PLEC: variants seen among roughly 807,000 people sequenced by gnomAD.
PLEC encodes the protein plectin.
In PLEC, 216 loss-of-function variants were observed where a neutral mutation model predicts 392.8. That is an observed-to-expected ratio of 0.55 (90% confidence interval 0.49 to 0.62). The LOEUF is 0.62. PLEC is among the 20% of genes least tolerant of loss of function. The pLI, the probability that PLEC is intolerant of heterozygous loss-of-function variation, is 0.00. For missense variants in PLEC, 6,863 were observed against 6,563.4 expected, an observed-to-expected ratio of 1.05 and a Z score of -1.58; for synonymous variants, 3,621 against 2,980.6, an observed-to-expected ratio of 1.21 and a Z score of -7.00.
chr8:143,953,744 C>G, upstream of PLEC: 3 of 1,612,204 alleles, frequency 1.9e-6, no homozygotes, highest in Non-Finnish European at 2.5e-6. Context: ...GAGCTGATCT[C>G]GTTCTGGATG....
At chr8:143,939,637 G>A (rs1297554377), upstream of PLEC, 19 of 1,425,480 alleles carry the variant, frequency 1.3e-5, no homozygotes, top group Middle Eastern at 5.1e-4. Flanking sequence ...ACTCCCCGGC[G>A]AGGCCGGCCC....
At position 143,927,513 on chromosome 8, in the gene PLEC, G is replaced by C. The variant is rs1435660121; in HGVS notation, c.3653C>G (p.Pro1218Arg). ...GGCGTCCTGCAGCCAGGCGCCCAAG[G>C]GGTCTGCACTCTCGCGGTAGTAACG... The part of the protein sequence containing the change: ...QLRYYRESAD[P>R]LGAWLQDARR... The change falls in exon 27 of 32, where the codon CCC (proline) becomes CGC (arginine). Residue 1218 changes from proline to arginine, a missense_variant. Coordinates refer to ENST00000345136, the MANE Select transcript of PLEC (RefSeq NM_201384.3). 1.3e-6 allele frequency: 2 copies of C among 1,597,312 alleles called. No homozygotes were observed. Among genetic ancestry groups the C allele is most frequent in the Admixed American group, 3.3e-5 (2 of 59,856 alleles).
Position 143,921,899 on chromosome 8 carries a change from T to A in PLEC, c.7922A>T (p.Glu2641Val). ...DALDGPAAEA[E>V]PEHSFDGLRR... ...CAGGCCATCGAAGCTGTGCTCCGGC[T>A]CTGCCTCTGCCGCGGGGCCATCAAG... The change falls in exon 32 of 32, where the codon GAG (glutamate) becomes GTG (valine). Residue 2641 changes from glutamate (E) to valine (V), a missense_variant. Glu to Val is a moderately radical substitution (Grantham distance 121). Coordinates refer to ENST00000345136, the MANE Select transcript of PLEC (RefSeq NM_201384.3). The A allele has an allele frequency of 6.2e-7, 1 of 1,600,326 alleles. No individual in the cohort carries two copies. Among genetic ancestry groups the A allele is most frequent in the Non-Finnish European group, 8.5e-7 (1 of 1,179,732 alleles).
chr8:143,933,322 C>T lies in PLEC; in HGVS notation c.1293G>A (p.Val431=). 1 of 1,612,520 alleles carries T rather than the reference C, an allele frequency of 6.2e-7. No homozygotes were observed. Among genetic ancestry groups the T allele is most frequent in the Non-Finnish European group, 8.5e-7 (1 of 1,179,954 alleles). The stretch of plus-strand genomic sequence containing the variant: ...GTTCCACCTCCCCCGCCCGCTGTGG[C>T]ACTTTGCCTGCAGCCAGCAGCCGGA... The part of the protein sequence containing the change: ...SDVRLLAAGK[V]PQRAGEVERD... The change falls in exon 13 of 32, where the codon GTG becomes GTA. Residue 431 remains valine, a synonymous_variant. Coordinates refer to ENST00000345136, the MANE Select transcript of PLEC (RefSeq NM_201384.3).
chr8:143,936,651 A>G (rs1272981211), intron 5 of PLEC, among the ~76,000 whole-genome samples: 4 of 152,244 alleles, frequency 2.6e-5, no homozygotes, highest in African/African-American at 7.2e-5. Context: ...CAGGACAAGC[A>G]GCGGGTGAGT....
upstream of PLEC, among the ~76,000 whole-genome samples, chr8:143,942,132 G>C (rs536761172): frequency 3.3e-5 from 5 of 151,826 alleles, no homozygotes; most frequent in East Asian, 2.0e-4. Context: ...GGCTGACGTG[G>C]AACAGCCGGG....
Position 143,916,190 on chromosome 8 carries a change from G to C in PLEC, c.13631C>G (p.Ser4544Cys). Residue 4544 changes from serine (S) to cysteine (C), a missense_variant, in exon 32 of 32, where the codon TCT becomes TGT. Coordinates refer to ENST00000345136, the MANE Select transcript of PLEC (RefSeq NM_201384.3). ...GSSASLGGPE[S>C]AVA is the part of the protein sequence containing the mutation. The stretch of plus-strand genomic sequence containing the variant: ...GCGCAGGCAGCCTCAGGCCACGGCA[G>C]ACTCAGGGCCCCCCAGGGAGGCCGA... 6.5e-7 allele frequency: 1 copy of C among 1,541,276 alleles called. No homozygotes were observed. Among genetic ancestry groups the C allele is most frequent in the Non-Finnish European group, 8.7e-7 (1 of 1,143,428 alleles).
chr8:143,925,504 C>T lies in PLEC; in HGVS notation c.4425G>A (p.Leu1475=). The T allele has an allele frequency of 6.3e-7, 1 of 1,596,018 alleles. No individual in the cohort carries two copies. The highest frequency in any genetic ancestry group is 1.1e-5 in the South Asian group (1 of 90,868). Residue 1475 remains leucine, a synonymous_variant, in exon 31 of 32, where the codon CTG becomes CTA. Transcript: ENST00000345136. ...CCTCCGCCCGTGCACGCAGTGCCTG[C>T]AGCTCCCCCTCAGCCCCGCCACGCT... ...ERQRGGAEGE[L]QALRARAEEA...
chr8:143,975,387 G>A (rs1554745766), upstream of PLEC: 1 of 1,601,746 alleles, frequency 6.2e-7, no homozygotes, highest in South Asian at 1.1e-5. The surrounding 1 kb of genome is among the most constrained non-coding windows in gnomAD (Gnocchi z 9.9). Flanking sequence ...TGGAAGGGGA[G>A]CAGGAGGGGT....
In PLEC at chr8:143,917,321, G is replaced by A. The variant is rs782411778; in HGVS notation, c.12500C>T (p.Thr4167Met). ...AYRKGLIDHQTYLELSEQECE... is the reference protein window; with the variant it reads ...AYRKGLIDHQMYLELSEQECE... ...CTCCTGCTCGGACAGCTCCAGGTAC[G>A]TCTGGTGGTCAATCAGGCCCTTGCG... Residue 4167 changes from threonine (T) to methionine (M), a missense_variant, in exon 32 of 32, where the codon ACG (threonine) becomes ATG (methionine). Transcript: ENST00000345136. The A allele has an allele frequency of 8.1e-6, 13 of 1,609,738 alleles. No individual in the cohort carries two copies. The highest frequency in any genetic ancestry group is 4.5e-5 in the East Asian group (2 of 44,846).
Position 143,924,352 on chromosome 8 carries a change from C to T in PLEC, c.5577G>A (p.Lys1859=), listed in dbSNP as rs1554696818. ...KTEAEIALKE[K]EAENERLRRL... is the part of the protein sequence containing the mutation. The stretch of plus-strand genomic sequence containing the variant: ...GCCGCAGGCGCTCGTTCTCCGCCTC[C>T]TTCTCCTTGAGCGCGATCTCCGCCT... Residue 1859 remains lysine, a synonymous_variant, in exon 31 of 32, where the codon AAG becomes AAA. Coordinates refer to ENST00000345136, the MANE Select transcript of PLEC (RefSeq NM_201384.3). 2 of 1,597,134 alleles carry T rather than the reference C, an allele frequency of 1.3e-6. No homozygotes were observed. The highest frequency in any genetic ancestry group is 2.2e-5 in the East Asian group (1 of 44,786).
rs201218437 is a variant in PLEC at position 143,924,436 on chromosome 8, C to T, written c.5493G>A (p.Ala1831=). 664 of 1,573,338 alleles carry T rather than the reference C, an allele frequency of 4.2e-4. 3 individuals carry two copies. In the African/African-American group the frequency reaches 5.2e-3, roughly 12 times the overall value. ...CCAGCTTCTCCGCAAGCACCCGCTC[C>T]GCCTCGGCCCGCTGCCGCGCCGCGT... ...EEDAARQRAE[A]ERVLAEKLAA... The change falls in exon 31 of 32, where the codon GCG becomes GCA. Residue 1831 remains alanine (A), a synonymous_variant. Coordinates refer to ENST00000345136, the MANE Select transcript of PLEC (RefSeq NM_201384.3).
At chr8:143,941,218 G>C (rs1322854346), upstream of PLEC, among the ~76,000 whole-genome samples, 1 of 152,188 alleles carries the variant, frequency 6.6e-6, no homozygotes, top group Non-Finnish European at 1.5e-5. Flanking sequence ...CTGCCTGCAG[G>C]AACGGGGCTG....
At chr8:143,928,089 C>A in intron 25 of PLEC, 97 bp from the exon 26 acceptor site, 1 of 1,449,778 alleles carries the variant, frequency 6.9e-7, no homozygotes, top group South Asian at 1.4e-5. Flanking sequence ...TGCTGCCTGC[C>A]AAGCCCAGAC....
rs11988293 is a variant in PLEC, at chr8:143,922,095, G to C, written c.7726C>G (p.Leu2576Val). Residue 2576 changes from leucine (L) to valine (V), a missense_variant, in exon 32 of 32, where the codon CTG becomes GTG. Leu to Val is a conservative substitution (Grantham distance 32). Coordinates refer to ENST00000345136, the MANE Select transcript of PLEC (RefSeq NM_201384.3). ...VRRKQEELQQ[L>V]EQQRRQQEEL... ...TCCTGCTGCCGCCGCTGCTGCTCCAGCTGCTGCAGCTCCTCCTGCTTGCGC... is the reference window on the plus strand; with the variant it reads ...TCCTGCTGCCGCCGCTGCTGCTCCACCTGCTGCAGCTCCTCCTGCTTGCGC... The C allele has an allele frequency of 6.4e-7, 1 of 1,564,182 alleles. No individual in the cohort carries two copies. The highest frequency in any genetic ancestry group is 8.6e-7 in the Non-Finnish European group (1 of 1,162,046).
rs782762818 is a variant in PLEC, at chr8:143,923,750, T to G, written c.6179A>C (p.Gln2060Pro). 1.9e-6 allele frequency: 3 copies of G among 1,552,174 alleles called. No homozygotes were observed. The highest frequency in any genetic ancestry group is 2.6e-6 in the Non-Finnish European group (3 of 1,155,900). The change falls in exon 31 of 32, where the codon CAG becomes CCG. Residue 2060 changes from glutamine (Q) to proline (P), a missense_variant. Gln to Pro is a moderately conservative substitution (Grantham distance 76). Transcript: ENST00000345136. ...CGTCTGCTGTAGCTCCTGCTCCTTC[T>G]GCTGCACCGCGAAGGCGTGTGCCTT... is the stretch of plus-strand genomic sequence containing the variant. ...EEKAHAFAVQQKEQELQQTLQ... is the reference protein window; with the variant it reads ...EEKAHAFAVQPKEQELQQTLQ...
exon 1 of PLEC, chr8:143,950,222 G>A: frequency 1.9e-6 from 3 of 1,553,704 alleles, no homozygotes; most frequent in Middle Eastern, 1.7e-4. Flanking sequence ...CCTGGCCAGG[G>A]TCCGCTGGGT....
rs200273549 is a variant in PLEC, at chr8:143,918,613, C to T, written c.11208G>A (p.Pro3736=). Residue 3736 remains proline, a synonymous_variant, in exon 32 of 32, where the codon CCG becomes CCA. Transcript: ENST00000345136. The part of the protein sequence containing the change: ...AQAATGFLLD[P]VKGERLTVDE... ...CCACAGTCAGCCGCTCCCCCTTCACCGGGTCCAGCAGGAAGCCTGTGGCTG... is the reference window on the plus strand; with the variant it reads ...CCACAGTCAGCCGCTCCCCCTTCACTGGGTCCAGCAGGAAGCCTGTGGCTG... 3,276 of 1,612,696 alleles carry T rather than the reference C, an allele frequency of 2.0e-3. 39 individuals carry two copies. The South Asian group carries it at 0.023, about 11-fold the overall frequency.
intron 11 of PLEC, 96 bp downstream of exon 11, chr8:143,934,222 G>A: frequency 1.3e-6 from 2 of 1,596,918 alleles, no homozygotes; most frequent in Non-Finnish European, 1.7e-6. Context: ...GGGAGCTTGG[G>A]TTCCCCCGCC....
Sources: allele counts gnomAD v4.1 joint callset (sites outside exome capture counted in the v4.1 genomes callset), GRCh38; gene constraint gnomAD v4.1.1; non-coding constraint Gnocchi (gnomAD v3.1); transcripts MANE v1.5; gene names NCBI Gene and HGNC (gene_info 2026-07-23, HGNC 2026-07-21).